Variants in NTNG2 observed in about 807,000 individuals in gnomAD.
NTNG2 encodes netrin-G2.
In NTNG2, 15 loss-of-function variants were observed where a neutral mutation model predicts 47.6. The observed-to-expected ratio is 0.32, with a 90% CI of 0.21 to 0.49. NTNG2 has a LOEUF of 0.49. Ranked by LOEUF, NTNG2 falls within the 20% of genes least tolerant of loss-of-function variation. NTNG2 has a pLI of 0.99. For missense variants in NTNG2, 578 were observed against 764.6 expected (o/e 0.76, Z 2.88); for synonymous variants, 307 against 324.6 (o/e 0.95, Z 0.58).
rs1185687533 is a variant in NTNG2, at chr9:132,182,279, A to G, written c.213+15235A>G. ...GAAAAAATTGCACCCAACAATGGAC[A>G]ATAATGGGCCTAAAAATAGAGGGTG... On this transcript the variant is annotated intron_variant, in intron 2 of 7. Transcript: ENST00000393229. The surrounding 1 kb of genome is among the most constrained non-coding windows in gnomAD (Gnocchi z 4.2). Among the ~76,000 whole-genome samples, 1 of 152,226 alleles carries G rather than the reference A, an allele frequency of 6.6e-6. No individual in the cohort carries two copies. Among genetic ancestry groups the G allele is most frequent in the South Asian group, 2.1e-4 (1 of 4,836 alleles).
At chr9:132,230,888 G>C (rs1841165944) in intron 5 of NTNG2, among the ~76,000 whole-genome samples, 1 of 152,046 alleles carries the variant, frequency 6.6e-6, no homozygotes, top group Non-Finnish European at 1.5e-5. Context: ...TGCTGCTTTG[G>C]AAAACGGGAC....
At chr9:132,210,850 G>A (rs941737623) in intron 3 of NTNG2, among the ~76,000 whole-genome samples, 1 of 152,144 alleles carries the variant, frequency 6.6e-6, no homozygotes, top group Non-Finnish European at 1.5e-5. Context: ...TTCATCCCAT[G>A]TGAAGCCTGT....
At chr9:132,191,184 C>T (rs1043670602) in intron 2 of NTNG2, among the ~76,000 whole-genome samples, 4 of 152,158 alleles carry the variant, frequency 2.6e-5, no homozygotes, top group African/African-American at 7.2e-5. Context: ...GTGAATGTTA[C>T]AATCATCACA....
Position 132,197,995 on chromosome 9 carries a change from T to C in NTNG2, c.243T>C (p.Cys81=). 1 of 1,613,180 alleles carries C rather than the reference T, an allele frequency of 6.2e-7. No individual in the cohort carries two copies. The highest frequency in any genetic ancestry group is 8.5e-7 in the Non-Finnish European group (1 of 1,179,922). The change falls in exon 3 of 8, where the codon TGT becomes TGC. Residue 81 remains cysteine, a synonymous_variant. Transcript: ENST00000393229. The surrounding 1 kb of genome is among the most constrained non-coding windows in gnomAD (Gnocchi z 4.3). ...ATCCCTACCTATGCAGCAACGAGTG[T>C]GACGCCTCCAACCCGGACCTGGCCC... The part of the protein sequence containing the change: ...HENPYLCSNE[C]DASNPDLAHP...
At chr9:132,174,146 C>T (rs967625974) in intron 2 of NTNG2, among the ~76,000 whole-genome samples, 1 of 141,566 alleles carries the variant, frequency 7.1e-6, no homozygotes, top group African/African-American at 2.8e-5. Flanking sequence ...GCAGGCCGCA[C>T]CATGCTGCGG....
At chr9:132,227,615 TC>T (rs1456673496) in intron 4 of NTNG2, among the ~76,000 whole-genome samples, 2 of 152,114 alleles carry the variant, frequency 1.3e-5, no homozygotes, top group African/African-American at 2.4e-5. Context: ...GAACTGAGCT[TC>T]CGTTATCCCT....
chr9:132,221,766 G>A lies in NTNG2; in HGVS notation c.858-5083G>A, dbSNP rs1026002316. Among the ~76,000 whole-genome samples, 9 of 152,186 alleles carry A rather than the reference G, an allele frequency of 5.9e-5. No individual in the cohort carries two copies. The highest frequency in any genetic ancestry group is 8.8e-5 in the Non-Finnish European group (6 of 68,016). ...AGAAACCAACTGTATGACTTTGGGCGACTTCTCCCTACCAGCACCACCCAG... is the reference window on the plus strand; with the variant it reads ...AGAAACCAACTGTATGACTTTGGGCAACTTCTCCCTACCAGCACCACCCAG... On this transcript the variant is annotated intron_variant, in intron 3 of 7. Coordinates refer to ENST00000393229, the MANE Select transcript of NTNG2 (RefSeq NM_032536.4). This position sits in a 1 kb window ranked among gnomAD's most constrained non-coding sequence, Gnocchi z 4.2.
chr9:132,200,591 G>A (rs1838670465), intron 3 of NTNG2, among the ~76,000 whole-genome samples: 1 of 152,236 alleles, frequency 6.6e-6, no homozygotes, highest in Admixed American at 6.5e-5. Context: ...GTGAGGCTGG[G>A]CAGGCCGCTG....
At chr9:132,185,858 GGGAGGAGGAGGAGGAGTGGGA>G (rs1157704055) in intron 2 of NTNG2, among the ~76,000 whole-genome samples, 7 of 148,642 alleles carry the variant, frequency 4.7e-5, no homozygotes, top group Admixed American at 4.0e-4. Context: ...GAGGAGGAGT[GGGAGGAGGAGGAGGAGTGGGA>G]GGAGGAGGAG....
At chr9:132,202,995 A>T (rs1260109259) in intron 3 of NTNG2, among the ~76,000 whole-genome samples, 1 of 152,090 alleles carries the variant, frequency 6.6e-6, no homozygotes, top group African/African-American at 2.4e-5. Flanking sequence ...ATATTCAAAG[A>T]GCTTATCCCA....
chr9:132,224,273 T>C (rs1840566034), intron 3 of NTNG2, among the ~76,000 whole-genome samples: 1 of 152,148 alleles, frequency 6.6e-6, no homozygotes, highest in East Asian at 1.9e-4. Context: ...TTTTGGAGTA[T>C]ATGTGTTACA....
chr9:132,189,662 C>T (rs890807144), intron 2 of NTNG2, among the ~76,000 whole-genome samples: 7 of 151,798 alleles, frequency 4.6e-5, no homozygotes, highest in Admixed American at 6.6e-5. Flanking sequence ...TTTTTTGAGA[C>T]GGAGTCTCAC....
In NTNG2 at chr9:132,197,047, G is replaced by A. The variant is rs980382835; in HGVS notation, c.214-919G>A. Among the ~76,000 whole-genome samples the A allele has an allele frequency of 5.0e-4, 76 of 152,282 alleles. No homozygotes were observed. Among genetic ancestry groups the A allele is most frequent in the African/African-American group, 1.8e-3 (73 of 41,544 alleles). On this transcript the variant is annotated intron_variant, in intron 2 of 7. Coordinates refer to ENST00000393229, the MANE Select transcript of NTNG2 (RefSeq NM_032536.4). This position sits in a 1 kb window ranked among gnomAD's most constrained non-coding sequence, Gnocchi z 4.3. ...TCGGGGAGAGACCCAGAGCTTCCAG[G>A]CCCTCTTTGAGCACCTCAATGTGTT...
chr9:132,222,478 C>T (rs926476932), intron 3 of NTNG2, among the ~76,000 whole-genome samples: 1 of 152,160 alleles, frequency 6.6e-6, no homozygotes, highest in African/African-American at 2.4e-5. Flanking sequence ...TCCAGTAAAA[C>T]CTCGGCAGGG....
In NTNG2 at chr9:132,242,053, C is replaced by T. The variant is rs1287950519; in HGVS notation, c.1535C>T (p.Pro512Leu). The T allele has an allele frequency of 6.4e-6, 8 of 1,255,304 alleles. No homozygotes were observed. Among genetic ancestry groups the T allele is most frequent in the African/African-American group, 1.6e-5 (1 of 63,316 alleles). 77.8% of individuals were successfully genotyped at this position (1,255,304 alleles called of 1,614,324 possible). ...CDRAPGAAPRPATLLGCLLLL... is the reference protein window; with the variant it reads ...CDRAPGAAPRLATLLGCLLLL... ...CGCGCGCCCGGGGCCGCCCCGCGCC[C>T]CGCCACCCTGCTCGGCTGCCTGCTG... Residue 512 changes from proline (P) to leucine (L), a missense_variant, in exon 8 of 8, where the codon CCC becomes CTC. Transcript: ENST00000393229. This position sits in a 1 kb window ranked among gnomAD's most constrained non-coding sequence, Gnocchi z 5.9.
intron 2 of NTNG2, among the ~76,000 whole-genome samples, chr9:132,195,767 C>T (rs1025674486): frequency 4.6e-5 from 7 of 151,458 alleles, no homozygotes; most frequent in African/African-American, 1.7e-4. Flanking sequence ...TAGCTAGGAC[C>T]ACAGGTGTGC....
chr9:132,171,108 G>T, intron 2 of NTNG2, among the ~76,000 whole-genome samples: 1 of 152,144 alleles, frequency 6.6e-6, no homozygotes. Flanking sequence ...CAAGGCGGGG[G>T]GTCTGTGCTT....
At chr9:132,232,255 C>G (rs1448249541) in intron 5 of NTNG2, 1 of 152,614 alleles carries the variant, frequency 6.6e-6, no homozygotes, top group Non-Finnish European at 1.5e-5. Flanking sequence ...CTGTCCTTAG[C>G]CCCTCAGCAG....
chr9:132,229,747 GC>G (rs1388669205), intron 4 of NTNG2, among the ~76,000 whole-genome samples: 45 of 152,312 alleles, frequency 3.0e-4, no homozygotes, highest in Non-Finnish European at 1.3e-4. Context: ...GCCTTGGCTT[GC>G]CCAGGAGAAG....
Sources: gnomAD v4.1 joint callset for allele counts (sites outside exome capture counted in the v4.1 genomes callset) on GRCh38, gnomAD v4.1.1 for gene constraint, Gnocchi (gnomAD v3.1) non-coding constraint, MANE v1.5 for transcripts, NCBI Gene and HGNC (gene_info 2026-07-23, HGNC 2026-07-21) for gene names.